Variants in PCDHGB2 observed in about 807,000 individuals in gnomAD.
PCDHGB2 encodes protocadherin gamma subfamily B, 2, also known as protocadherin gamma-B2.
A neutral mutation model predicts 59.3 loss-of-function variants in PCDHGB2; 55 were observed. The ratio of observed to expected loss-of-function variants is 0.93; its 90% CI spans 0.75 to 1.16. The LOEUF (loss-of-function observed/expected upper bound fraction) is 1.16, where lower values mean the gene tolerates loss of function less well. PCDHGB2 is among the 50% of genes most tolerant of loss of function. The pLI, the probability that PCDHGB2 is intolerant of heterozygous loss-of-function variation, is 0.00. For missense variants in PCDHGB2, 1,228 were observed against 1,198.5 expected (o/e 1.02, Z -0.36); for synonymous variants, 516 against 512.0 (o/e 1.01, Z -0.11).
chr5:141,438,955 C>T (rs965336489), intron 1 of PCDHGB2, among the ~76,000 whole-genome samples: 3 of 151,926 alleles, frequency 2.0e-5, no homozygotes, highest in Non-Finnish European at 4.4e-5. Flanking sequence ...CATGAGCCAC[C>T]GCACCCTGCC....
At chr5:141,455,634 G>T (rs1429708887) in intron 1 of PCDHGB2, among the ~76,000 whole-genome samples, 1 of 152,110 alleles carries the variant, frequency 6.6e-6, no homozygotes, top group African/African-American at 2.4e-5. Context: ...GAGATATGTG[G>T]GGGGCAGCCA....
intron 1 of PCDHGB2, among the ~76,000 whole-genome samples, chr5:141,443,696 T>C (rs1293017505): frequency 6.6e-6 from 1 of 152,308 alleles, no homozygotes; most frequent in Admixed American, 6.5e-5. Context: ...TCAAAAATTA[T>C]AGAATAACAT....
chr5:141,379,512 A>C (rs1476847864), intron 1 of PCDHGB2: 1 of 152,258 alleles, frequency 6.6e-6, no homozygotes, highest in African/African-American at 2.4e-5. Context: ...GTTAAACTAC[A>C]TCTTGAGCAT....
intron 1 of PCDHGB2, among the ~76,000 whole-genome samples, chr5:141,458,236 C>T (rs6874378): frequency 0.18 from 27,546 of 152,106 alleles, 2,658 homozygotes; most frequent in Admixed American, 0.28. Flanking sequence ...AGTCCATGCA[C>T]CAAAATGATA....
chr5:141,425,949 C>T (rs2096905190), intron 1 of PCDHGB2, among the ~76,000 whole-genome samples: 1 of 152,224 alleles, frequency 6.6e-6, no homozygotes. Flanking sequence ...GTTTCCTATA[C>T]ATTAGTCCAA....
At chr5:141,388,594 A>G in intron 1 of PCDHGB2, 1 of 1,613,936 alleles carries the variant, frequency 6.2e-7, no homozygotes, top group Non-Finnish European at 8.5e-7. Context: ...GATGCCAATG[A>G]TAATGCTCCA....
chr5:141,407,139 A>G lies in PCDHGB2; in HGVS notation c.2421+44583A>G, dbSNP rs190510544. Among the ~76,000 whole-genome samples, 1,517 of 152,332 alleles carry G rather than the reference A, an allele frequency of 1.0e-2. 33 individuals carry two copies. The highest frequency in any genetic ancestry group is 0.034 in the African/African-American group (1,425 of 41,568). On this transcript the variant is annotated intron_variant, in intron 1 of 3. Coordinates refer to ENST00000522605, the MANE Select transcript of PCDHGB2 (RefSeq NM_018923.3). ...TTTCAGTTGCTTTATTTTTAAGAAA[A>G]AAAAGCTGAAGTGTCTGGGAATCCT...
chr5:141,432,746 G>T lies in PCDHGB2; in HGVS notation c.2422-62061G>T, dbSNP rs772043134. The T allele has an allele frequency of 6.2e-7, 1 of 1,614,098 alleles. No individual in the cohort carries two copies. Among genetic ancestry groups the T allele is most frequent in the Non-Finnish European group, 8.5e-7 (1 of 1,179,992 alleles). Reference sequence around the variant, plus strand: ...CTCCGCCACTGTCACGCTCACCGTGGCCGTGGCCGACAGCATCCCCCAAGT... The same window carrying T: ...CTCCGCCACTGTCACGCTCACCGTGTCCGTGGCCGACAGCATCCCCCAAGT... On this transcript the variant is annotated intron_variant, in intron 1 of 3. Transcript: ENST00000522605. This position sits in a 1 kb window ranked among gnomAD's most constrained non-coding sequence, Gnocchi z 6.0.
intron 1 of PCDHGB2, among the ~76,000 whole-genome samples, chr5:141,452,909 T>C (rs1408054133): frequency 6.6e-6 from 1 of 152,232 alleles, no homozygotes; most frequent in Non-Finnish European, 1.5e-5. Flanking sequence ...GTTGGCATTA[T>C]ACAGTAAGAA....
intron 1 of PCDHGB2, among the ~76,000 whole-genome samples, chr5:141,368,183 A>C (rs1765520676): frequency 6.6e-6 from 1 of 152,202 alleles, no homozygotes; most frequent in South Asian, 2.1e-4. Flanking sequence ...TAATGACTAA[A>C]TAAGGGGAAA....
At chr5:141,421,009 T>C (rs948913987) in intron 1 of PCDHGB2, 1 of 515,496 alleles carries the variant, frequency 1.9e-6, no homozygotes, top group East Asian at 3.2e-5. Flanking sequence ...AATCAGGGAA[T>C]GGGAAGCTGC....
intron 1 of PCDHGB2, among the ~76,000 whole-genome samples, chr5:141,481,913 CAAAAAAA>C (rs34114744): frequency 2.2e-5 from 2 of 90,812 alleles, no homozygotes; most frequent in Admixed American, 1.2e-4. Context: ...AACTCCATCT[CAAAAAAA>C]AAAAAAAAAA....
intron 1 of PCDHGB2, chr5:141,391,563 A>T (rs545672465): frequency 5.3e-5 from 8 of 152,322 alleles, no homozygotes; most frequent in Admixed American, 2.0e-4. Context: ...TTCCATATGC[A>T]TAAGAAAATA....
intron 1 of PCDHGB2, chr5:141,402,898 T>C: frequency 6.6e-7 from 1 of 1,512,304 alleles, no homozygotes; most frequent in Non-Finnish European, 8.8e-7. Context: ...AGAAAGAACC[T>C]GATGAAGCAG....
Position 141,362,282 on chromosome 5 carries a change from G to T in PCDHGB2, c.2147G>T (p.Arg716Leu), listed in dbSNP as rs750712376. 1.2e-6 allele frequency: 2 copies of T among 1,613,920 alleles called. No homozygotes were observed. Among genetic ancestry groups the T allele is most frequent in the Non-Finnish European group, 1.7e-6 (2 of 1,179,916 alleles). Reference sequence around the variant, plus strand: ...ATTCTGGCAATCTCCCTGCGCCTGCGACTCTCTTCCAGGTCAGATGCTTGG... The same window carrying T: ...ATTCTGGCAATCTCCCTGCGCCTGCTACTCTCTTCCAGGTCAGATGCTTGG... ...AVILAISLRLRLSSRSDAWDC... is the reference protein window; with the variant it reads ...AVILAISLRLLLSSRSDAWDC... The change falls in exon 1 of 4, where the codon CGA (arginine) becomes CTA (leucine). Residue 716 changes from arginine to leucine, a missense_variant. Arg to Leu is a moderately radical substitution (Grantham distance 102, BLOSUM62 -2). Transcript: ENST00000522605.
chr5:141,372,804 CA>C lies in PCDHGB2; in HGVS notation c.2421+10252del. The C allele has an allele frequency of 2.5e-6, 4 of 1,592,244 alleles. No homozygotes were observed. In the Middle Eastern group the frequency reaches 6.7e-4, roughly 266 times the overall value. On this transcript the variant is annotated intron_variant, in intron 1 of 3. Coordinates refer to ENST00000522605, the MANE Select transcript of PCDHGB2 (RefSeq NM_018923.3). ...AATGCCTTCTAATTCAGGCAATTTG[CA>C]AAAGGTGAGTTTCTTCAAACCTTTC...
chr5:141,482,917 C>CA (rs761402624), intron 1 of PCDHGB2, among the ~76,000 whole-genome samples: 5 of 152,042 alleles, frequency 3.3e-5, no homozygotes, highest in Non-Finnish European at 7.4e-5. Context: ...ATTAAAAATA[C>CA]AAAAAATTAG....
chr5:141,374,602 T>C, intron 1 of PCDHGB2: 2 of 1,613,652 alleles, frequency 1.2e-6, no homozygotes, highest in Non-Finnish European at 1.7e-6. Flanking sequence ...TTAAGCTCAG[T>C]GGTAATAGTC....
intron 1 of PCDHGB2, chr5:141,423,023 C>G (rs1410040994): frequency 6.2e-7 from 1 of 1,614,222 alleles, no homozygotes; most frequent in Non-Finnish European, 8.5e-7. Context: ...GACAAAGATT[C>G]AGGCCAGAAC....
Sources: gnomAD v4.1 joint callset for allele counts (sites outside exome capture counted in the v4.1 genomes callset) on GRCh38, gnomAD v4.1.1 for gene constraint, Gnocchi (gnomAD v3.1) non-coding constraint, MANE v1.5 for transcripts, NCBI Gene and HGNC (gene_info 2026-07-23, HGNC 2026-07-21) for gene names.